The following ACOT9 variants were observed in gnomAD, a reference collection of about 807,000 sequenced individuals.
The protein encoded by ACOT9 is acyl-CoA thioesterase 9, also known as acyl-coenzyme A thioesterase 9, mitochondrial.
A neutral mutation model predicts 39.7 loss-of-function variants in ACOT9; 34 were observed. The observed-to-expected ratio is 0.86, with a 90% CI of 0.65 to 1.14. ACOT9 has a LOEUF of 1.14. Ranked by LOEUF, ACOT9 falls within the 50% of genes most tolerant of loss-of-function variation. The pLI, the probability that ACOT9 is intolerant of heterozygous loss-of-function variation, is 0.00. For synonymous variants in ACOT9, 110 were observed against 120.5 expected (o/e 0.91, Z 0.57); for missense variants, 313 against 344.1 (o/e 0.91, Z 0.71).
At position 23,717,992 on chromosome X, in the gene ACOT9, A is replaced by G. The variant is rs1330925228; in HGVS notation, c.588+3889T>C. On this transcript the variant is annotated intron_variant, in intron 8 of 15. Coordinates refer to ENST00000379303, the MANE Select transcript of ACOT9 (RefSeq NM_001037171.2). ...AATCTCAGCTACTAGGGAGGCTGAG[A>G]CAGGAGAATTGCTTGAACCCAGGAG... Among the ~76,000 whole-genome samples the G allele has an allele frequency of 5.5e-5, 6 of 109,191 alleles. No individual in the cohort carries two copies. In the Admixed American group the frequency reaches 5.9e-4, roughly 11 times the overall value. The allele number at this position is 109,191 out of a possible 115,157, so 94.8% of individuals were successfully genotyped here.
intron 1 of ACOT9, among the ~76,000 whole-genome samples, chrX:23,742,541 CCAAT>C (rs1291507936): frequency 9.0e-6 from 1 of 110,781 alleles, no homozygotes; most frequent in African/African-American, 3.3e-5. Context: ...CCCACGTGGC[CCAAT>C]CAAAGCACCC....
At chrX:23,719,965 G>A (rs749190024) in intron 8 of ACOT9, among the ~76,000 whole-genome samples, 1 of 110,575 alleles carries the variant, frequency 9.0e-6, no homozygotes, top group Non-Finnish European at 1.9e-5. Flanking sequence ...GCCTCCCATA[G>A]CTGGGATTAC....
At chrX:23,720,249 G>A (rs1192448323) in intron 8 of ACOT9, among the ~76,000 whole-genome samples, 1 of 112,370 alleles carries the variant, frequency 8.9e-6, no homozygotes, top group Non-Finnish European at 1.9e-5. Context: ...TCAATTGTTT[G>A]TAATAGCTAT....
chrX:23,722,077 C>A, intron 7 of ACOT9, 93 bp from the exon 8 acceptor site: 1 of 518,892 alleles, frequency 1.9e-6, no homozygotes, highest in Middle Eastern at 3.6e-4. Context: ...AATTCCACTA[C>A]ATTTCTTTTT....
intron 13 of ACOT9, 101 bp from the exon 14 acceptor site, chrX:23,705,181 G>C: frequency 8.2e-4 from 589 of 715,848 alleles, no homozygotes; most frequent in Non-Finnish European, 1.2e-3. Context: ...AATGAACGAA[G>C]AATAAAGTTA....
chrX:23,722,617 T>A (rs1481176631), intron 7 of ACOT9, 53 bp downstream of exon 7: 2 of 864,910 alleles, frequency 2.3e-6, no homozygotes, highest in Non-Finnish European at 3.3e-6. Context: ...ATCTCAATAA[T>A]ATCTTGAAAT....
At chrX:23,719,246 G>A (rs1929202691) in intron 8 of ACOT9, among the ~76,000 whole-genome samples, 1 of 111,822 alleles carries the variant, frequency 8.9e-6, no homozygotes, top group African/African-American at 3.3e-5. Context: ...CTCCAGCCTG[G>A]GAGACAGAGT....
At chrX:23,717,204 G>A (rs1373389023) in intron 8 of ACOT9, among the ~76,000 whole-genome samples, 1 of 109,880 alleles carries the variant, frequency 9.1e-6, no homozygotes, top group Non-Finnish European at 1.9e-5. Context: ...TGCTCAGGCT[G>A]GTCTTGAACT....
At chrX:23,709,605 C>T (rs1322944299) in intron 9 of ACOT9, among the ~76,000 whole-genome samples, 2 of 111,194 alleles carry the variant, frequency 1.8e-5, no homozygotes, top group Non-Finnish European at 3.8e-5. Flanking sequence ...ATTTTTCTAT[C>T]TTAATTTGGC....
chrX:23,712,809 T>C (rs1928946349), intron 9 of ACOT9, among the ~76,000 whole-genome samples: 1 of 112,300 alleles, frequency 8.9e-6, no homozygotes, highest in African/African-American at 3.2e-5. Context: ...TTAGTAGAGA[T>C]GGGGTTTCAC....
intron 9 of ACOT9, 84 bp downstream of exon 9, chrX:23,713,051 T>C (rs1928953836): frequency 1.2e-6 from 1 of 806,313 alleles, no homozygotes; most frequent in Non-Finnish European, 1.8e-6. Flanking sequence ...GATAGGTATA[T>C]GGACATTCAT....
intron 2 of ACOT9, 98 bp downstream of exon 2, chrX:23,735,821 G>T: frequency 1.5e-6 from 1 of 653,387 alleles, no homozygotes; most frequent in Admixed American, 3.2e-5. Flanking sequence ...CCTTTAATAT[G>T]CCTCATTTGC....
chrX:23,737,452 T>C (rs941112759), intron 1 of ACOT9, among the ~76,000 whole-genome samples: 1 of 112,292 alleles, frequency 8.9e-6, no homozygotes, highest in South Asian at 3.6e-4. Context: ...AAAAAAGAGA[T>C]ATTTTTAGTT....
chrX:23,726,161 T>C (rs1026970959), intron 6 of ACOT9, among the ~76,000 whole-genome samples: 3 of 108,055 alleles, frequency 2.8e-5, no homozygotes, highest in Non-Finnish European at 3.9e-5. Context: ...GATAGCGCCA[T>C]TGCACTCCAG....
chrX:23,710,073 T>G (rs77439608), intron 9 of ACOT9, among the ~76,000 whole-genome samples: 13,360 of 111,086 alleles, frequency 0.12, 737 homozygotes, highest in East Asian at 0.35. Flanking sequence ...GTACTTTTAG[T>G]AGAGATGGGG....
intron 10 of ACOT9, 94 bp downstream of exon 10, chrX:23,707,783 G>T: frequency 3.2e-6 from 2 of 617,179 alleles, no homozygotes; most frequent in Non-Finnish European, 4.9e-6. Context: ...CATTTGACTG[G>T]TATGAAGAGC....
chrX:23,735,335 C>G (rs149835555), intron 2 of ACOT9, among the ~76,000 whole-genome samples: 4,813 of 101,911 alleles, frequency 0.047, 99 homozygotes, highest in Middle Eastern at 0.086. Context: ...AAAATAATTA[C>G]TACTAGCTTA....
chrX:23,707,660 C>T, intron 10 of ACOT9: 1 of 255,765 alleles, frequency 3.9e-6, no homozygotes, highest in Non-Finnish European at 7.0e-6. Context: ...TCACTTGAAC[C>T]CAGGAGGCAG....
Position 23,743,125 on chromosome X carries a change from C to G in ACOT9, c.20G>C (p.Arg7Pro). 1 of 1,159,667 alleles carries G rather than the reference C, an allele frequency of 8.6e-7. No individual in the cohort carries two copies. Among genetic ancestry groups the G allele is most frequent in the Non-Finnish European group, 1.2e-6 (1 of 868,679 alleles). Residue 7 changes from arginine (R) to proline (P), a missense_variant and splice_region_variant, in exon 1 of 16, where the codon CGG becomes CCG. Arg to Pro is a moderately radical substitution (Grantham distance 103). Coordinates refer to ENST00000379303, the MANE Select transcript of ACOT9 (RefSeq NM_001037171.2). MRRAAL[R>P]LCALGKGQLT... Reference sequence around the variant, plus strand: ...GCCCCTTCCACGCCCCGCCACCTACCGCAGTGCTGCCCGCCTCATTGCGCT... The same window carrying G: ...GCCCCTTCCACGCCCCGCCACCTACGGCAGTGCTGCCCGCCTCATTGCGCT...
Sources: allele counts gnomAD v4.1 joint callset (sites outside exome capture counted in the v4.1 genomes callset), GRCh38; gene constraint gnomAD v4.1.1; transcripts MANE v1.5; gene names NCBI Gene and HGNC (gene_info 2026-07-23, HGNC 2026-07-21).